The following TBX22 variants were observed in gnomAD, a reference collection of about 807,000 sequenced individuals.
TBX22 encodes the protein T-box transcription factor TBX22.
TBX22 carries 8 observed loss-of-function variants against 30.1 expected under a neutral mutation model. The ratio of observed to expected loss-of-function variants is 0.27; its 90% confidence interval spans 0.16 to 0.48. The LOEUF (loss-of-function observed/expected upper bound fraction) is 0.48, where lower values mean the gene tolerates loss of function less well. TBX22 is among the 20% of genes least tolerant of loss of function. The pLI is 0.99. For missense variants in TBX22, 463 were observed against 400.5 expected (o/e 1.16, Z -1.33); for synonymous variants, 173 against 149.1 (o/e 1.16, Z -1.17).
Position 80,024,079 on chromosome X carries a change from G to C in TBX22, c.373G>C (p.Val125Leu). The change falls in exon 4 of 9, where the codon GTT (valine) becomes CTT (leucine). Residue 125 changes from valine (V) to leucine (L), a missense_variant. Val to Leu is a conservative substitution (Grantham distance 32). Transcript: ENST00000373296. The part of the protein sequence containing the change: ...TKAGRRMFPS[V>L]RVKVKGLDPG... ...TTCTTACAGGCGGATGTTCCCCTCT[G>C]TTCGGGTCAAGGTGAAAGGGTTGGA... 1 of 1,211,219 alleles carries C rather than the reference G, an allele frequency of 8.3e-7. No homozygotes were observed. Among genetic ancestry groups the C allele is most frequent in the Admixed American group, 2.2e-5 (1 of 46,041 alleles).
rs757820333 is a variant in TBX22 at position 80,023,579 on chromosome X, A to G, written c.356+339A>G. Among the ~76,000 whole-genome samples, 12 of 111,590 alleles carry G rather than the reference A, an allele frequency of 1.1e-4. No individual in the cohort carries two copies. In the South Asian group the frequency reaches 1.5e-3, roughly 14 times the overall value. Reference sequence around the variant, plus strand: ...GGCCTCTAAGATAACCATGGACAGTATCCCATGTCACAGTTCCTCGCGCCC... The same window carrying G: ...GGCCTCTAAGATAACCATGGACAGTGTCCCATGTCACAGTTCCTCGCGCCC... On this transcript the variant is annotated intron_variant, in intron 3 of 8. Transcript: ENST00000373296.
At chrX:80,026,512 G>A (rs888818539) in intron 5 of TBX22, among the ~76,000 whole-genome samples, 192 bp from the exon 6 acceptor site, 6 of 112,099 alleles carry the variant, frequency 5.4e-5, no homozygotes, top group Non-Finnish European at 9.4e-5. Flanking sequence ...GACTGGTGCC[G>A]CTGAGGTGTC....
chrX:80,017,620 G>A (rs755576080), intron 1 of TBX22, among the ~76,000 whole-genome samples: 74 of 111,562 alleles, frequency 6.6e-4, no homozygotes, highest in African/African-American at 2.3e-3. Flanking sequence ...CCATAGGGTA[G>A]AATTACATTT....
chrX:80,027,374 G>GTT (rs397895286), intron 7 of TBX22, 54 bp downstream of exon 7: 9,424 of 401,531 alleles, frequency 0.023, no homozygotes, highest in Middle Eastern at 0.032. Context: ...ATTTTCACAA[G>GTT]TTTTTTTTTT....
At chrX:80,021,430 T>C (rs922423405) in intron 1 of TBX22, among the ~76,000 whole-genome samples, 5 of 111,346 alleles carry the variant, frequency 4.5e-5, no homozygotes, top group African/African-American at 1.6e-4. Context: ...CTCACCTAAT[T>C]TGAGACTCCA....
chrX:80,022,817 T>TAAAA (rs1204799825), intron 2 of TBX22, among the ~76,000 whole-genome samples: 16 of 64,106 alleles, frequency 2.5e-4, no homozygotes, highest in South Asian at 1.7e-3. Flanking sequence ...TTGGCAAATC[T>TAAAA]AAAAAAAAAA....
chrX:80,024,764 C>T (rs1357444157), intron 4 of TBX22, among the ~76,000 whole-genome samples: 1 of 111,892 alleles, frequency 8.9e-6, no homozygotes, highest in African/African-American at 3.3e-5. Flanking sequence ...CCTCAACCTA[C>T]AGCAGGCTGA....
intron 3 of TBX22, 80 bp from the exon 4 acceptor site, chrX:80,023,983 G>A (rs1171682365): frequency 1.5e-5 from 14 of 931,748 alleles, no homozygotes; most frequent in Admixed American, 2.2e-5. Context: ...TTTTACTGGA[G>A]TCAGCATTTG....
chrX:80,027,340 C>T lies in TBX22; in HGVS notation c.863+20C>T, dbSNP rs372077611. On this transcript the variant is annotated intron_variant, in intron 7 of 8. Coordinates refer to ENST00000373296, the MANE Select transcript of TBX22 (RefSeq NM_001109878.2). Reference sequence around the variant, plus strand: ...AAACAGGTAAGCAGCATAGCAATGACATCTAATATTGATGTAGCTAGCTAT... The same window carrying T: ...AAACAGGTAAGCAGCATAGCAATGATATCTAATATTGATGTAGCTAGCTAT... 1.0e-5 allele frequency: 8 copies of T among 791,079 alleles called. No homozygotes were observed. The Middle Eastern group carries it at 1.0e-3, about 101-fold the overall frequency. 65.2% of individuals were successfully genotyped at this position (791,079 alleles called of 1,213,427 possible).
Position 80,023,071 on chromosome X carries a change from A to G in TBX22, c.187A>G (p.Lys63Glu). Reference protein sequence around the residue: ...GKSEPLEKQPKTEPSTSASSG... With the variant: ...GKSEPLEKQPETEPSTSASSG... ...TCTGTGTCCAGCAGAAAAACAACCT[A>G]AGACAGAGCCCTCAACATCTGCTTC... Residue 63 changes from lysine to glutamate, a missense_variant, in exon 3 of 9, where the codon AAG becomes GAG. Lys to Glu is a moderately conservative substitution (Grantham distance 56, BLOSUM62 1). Transcript: ENST00000373296. The G allele has an allele frequency of 8.3e-7, 1 of 1,211,380 alleles. No homozygotes were observed. Among genetic ancestry groups the G allele is most frequent in the Non-Finnish European group, 1.1e-6 (1 of 895,330 alleles).
At chrX:80,025,540 C>A in intron 4 of TBX22, 63 bp from the exon 5 acceptor site, 1 of 982,010 alleles carries the variant, frequency 1.0e-6, no homozygotes, top group South Asian at 1.9e-5. Context: ...TCCTCAGGAA[C>A]AGAACACAAC....
At chrX:80,026,269 G>T (rs894321740) in intron 5 of TBX22, among the ~76,000 whole-genome samples, 1 of 111,647 alleles carries the variant, frequency 9.0e-6, no homozygotes, top group Non-Finnish European at 1.9e-5. Context: ...CTCACTAGGT[G>T]CACCCCAGCT....
At position 80,026,801 on chromosome X, in the gene TBX22, A is replaced by G; in HGVS notation, c.731A>G (p.Glu244Gly). The G allele has an allele frequency of 8.3e-7, 1 of 1,211,396 alleles. No individual in the cohort carries two copies. The highest frequency in any genetic ancestry group is 1.7e-5 in the African/African-American group (1 of 57,764). ...DLSQIQSLPT[E>G]GVKTFSFKET... The stretch of plus-strand genomic sequence containing the variant: ...TCCCAGATTCAGTCCTTGCCCACTG[A>G]AGGTGTTAAAACATTCTCCTTTAAA... Residue 244 changes from glutamate (E) to glycine (G), a missense_variant, in exon 6 of 9, where the codon GAA becomes GGA. Physicochemically the swap from Glu to Gly is moderately conservative, Grantham distance 98. Coordinates refer to ENST00000373296, the MANE Select transcript of TBX22 (RefSeq NM_001109878.2).
chrX:80,024,063 G>A lies in TBX22; in HGVS notation c.357G>A (p.Arg119=). 8.3e-6 allele frequency: 10 copies of A among 1,209,478 alleles called. No homozygotes were observed. Among genetic ancestry groups the A allele is most frequent in the Non-Finnish European group, 1.1e-5 (10 of 893,715 alleles). ...TCAGTCCTTATTTTCTTTCTTACAGGCGGATGTTCCCCTCTGTTCGGGTCA... is the reference window on the plus strand; with the variant it reads ...TCAGTCCTTATTTTCTTTCTTACAGACGGATGTTCCCCTCTGTTCGGGTCA... ...GTEMIITKAG[R]RMFPSVRVKV... Residue 119 remains arginine, a splice_region_variant and synonymous_variant, in exon 4 of 9, where the codon AGG becomes AGA. Coordinates refer to ENST00000373296, the MANE Select transcript of TBX22 (RefSeq NM_001109878.2).
intron 1 of TBX22, among the ~76,000 whole-genome samples, chrX:80,022,018 T>G (rs748483726): frequency 3.3e-5 from 3 of 91,647 alleles, no homozygotes; most frequent in South Asian, 1.1e-3. Flanking sequence ...TATATGTATA[T>G]AAAAAAATTA....
At chrX:80,020,607 C>G (rs757205273) in intron 1 of TBX22, among the ~76,000 whole-genome samples, 4 of 111,405 alleles carry the variant, frequency 3.6e-5, no homozygotes, top group Non-Finnish European at 7.5e-5. Flanking sequence ...GTAAGTAACT[C>G]TTTGCCATAC....
chrX:80,022,051 C>CAT (rs1923727035), intron 1 of TBX22, among the ~76,000 whole-genome samples: 2 of 111,141 alleles, frequency 1.8e-5, no homozygotes, highest in Non-Finnish European at 3.8e-5. Flanking sequence ...CACACACACA[C>CAT]ACACACACAC....
Position 80,026,818 on chromosome X carries a change from T to C in TBX22, c.748T>C (p.Ser250Pro). ...SLPTEGVKTF[S>P]FKETEFTTVT... ...GCCCACTGAAGGTGTTAAAACATTC[T>C]CCTTTAAAGAAACTGAGTTCACCAC... The change falls in exon 6 of 9, where the codon TCC becomes CCC. Residue 250 changes from serine to proline, a missense_variant. By Grantham distance (74) the Ser-to-Pro change is moderately conservative. Coordinates refer to ENST00000373296, the MANE Select transcript of TBX22 (RefSeq NM_001109878.2). 8.3e-7 allele frequency: 1 copy of C among 1,211,707 alleles called. No homozygotes were observed. The highest frequency in any genetic ancestry group is 1.1e-6 in the Non-Finnish European group (1 of 895,479).
At chrX:80,030,361 A>G in intron 8 of TBX22, 137 bp from the exon 9 acceptor site, 1 of 788,605 alleles carries the variant, frequency 1.3e-6, no homozygotes, top group South Asian at 2.3e-5. Context: ...CCTGTCTCAA[A>G]GAAGCTAAAA....
Sources: gnomAD v4.1 joint callset for allele counts (sites outside exome capture counted in the v4.1 genomes callset) on GRCh38, gnomAD v4.1.1 for gene constraint, MANE v1.5 for transcripts, NCBI Gene and HGNC (gene_info 2026-07-23, HGNC 2026-07-21) for gene names.